The following SLC4A1AP variants were observed in gnomAD, a reference collection of about 807,000 sequenced individuals.
SLC4A1AP encodes kanadaptin.
In SLC4A1AP, 64 loss-of-function variants were observed where a neutral mutation model predicts 89.7. That is an observed-to-expected ratio of 0.71 (90% CI 0.58 to 0.88). The LOEUF (loss-of-function observed/expected upper bound fraction) is 0.88. SLC4A1AP is among the 40% of genes least tolerant of loss of function. The pLI, the probability that SLC4A1AP is intolerant of heterozygous loss-of-function variation, is 0.00. For missense variants in SLC4A1AP, 931 were observed against 965.0 expected (o/e 0.96, Z 0.47); for synonymous variants, 366 against 353.3 (o/e 1.04, Z -0.40).
chr2:27,679,732 G>A (rs766762537), intron 8 of SLC4A1AP, among the ~76,000 whole-genome samples: 7 of 152,172 alleles, frequency 4.6e-5, no homozygotes, highest in Admixed American at 4.6e-4. Context: ...AGAACGGTGT[G>A]TATAACAGGC....
At chr2:27,693,517 A>G in intron 12 of SLC4A1AP, 168 bp from the exon 13 acceptor site, 1 of 580,616 alleles carries the variant, frequency 1.7e-6, no homozygotes, top group Non-Finnish European at 3.1e-6. Context: ...TCTGAAAAAG[A>G]CTTTATTTCT....
chr2:27,690,025 C>G lies in SLC4A1AP; in HGVS notation c.2271+1258C>G, dbSNP rs188870005. ...TGTGATGCTTTATGGAAAAAAGGTT[C>G]AGAGAGAGAATATTCCCCCAAGTAG... is the stretch of plus-strand genomic sequence containing the variant. On this transcript the variant is annotated intron_variant, in intron 12 of 13. Coordinates refer to ENST00000613058, the Ensembl canonical transcript of SLC4A1AP. Among the ~76,000 whole-genome samples the G allele has an allele frequency of 5.3e-5, 8 of 152,210 alleles. No individual in the cohort carries two copies. In the South Asian group the frequency reaches 6.2e-4, roughly 12 times the overall value.
chr2:27,683,768 C>T (rs1035590676), intron 9 of SLC4A1AP, among the ~76,000 whole-genome samples: 1 of 152,048 alleles, frequency 6.6e-6, no homozygotes, highest in African/African-American at 2.4e-5. Flanking sequence ...GAGACAGTCT[C>T]ACACTGTCAC....
chr2:27,671,614 C>T (rs896139282), intron 5 of SLC4A1AP, among the ~76,000 whole-genome samples: 4 of 152,198 alleles, frequency 2.6e-5, no homozygotes, highest in African/African-American at 9.7e-5. Flanking sequence ...ACTTAACTTT[C>T]CTATCATCCT....
intron 3 of SLC4A1AP, 22 bp downstream of exon 3, chr2:27,667,412 C>T (rs1392969461): frequency 6.2e-7 from 1 of 1,604,000 alleles, no homozygotes; most frequent in Non-Finnish European, 8.5e-7. Context: ...GATTCTGACC[C>T]TACCACTAAA....
intron 12 of SLC4A1AP, among the ~76,000 whole-genome samples, chr2:27,689,419 C>CG (rs1251206241): frequency 1.3e-5 from 2 of 152,096 alleles, no homozygotes; most frequent in Non-Finnish European, 2.9e-5. Context: ...CTATGATATA[C>CG]TACAGCAAAA....
rs1241413680 is a variant in SLC4A1AP, at chr2:27,688,699, G to A, written c.2204-1G>A. ...TTGCCAGTTTTTTTTTCTTAAATTAGCATCAAAGAATGAATATGAGAAAAG... is the reference window on the plus strand; with the variant it reads ...TTGCCAGTTTTTTTTTCTTAAATTAACATCAAAGAATGAATATGAGAAAAG... On this transcript the variant is annotated splice_acceptor_variant, in intron 11 of 13. Coordinates refer to ENST00000613058, the Ensembl canonical transcript of SLC4A1AP. LOFTEE classifies it high-confidence loss of function. 3 of 1,587,494 alleles carry A rather than the reference G, an allele frequency of 1.9e-6. No individual in the cohort carries two copies. The highest frequency in any genetic ancestry group is 2.6e-6 in the Non-Finnish European group (3 of 1,170,610).
At position 27,668,573 on chromosome 2, in the gene SLC4A1AP, C is replaced by T. The variant is rs984516673; in HGVS notation, c.1145-270C>T. On this transcript the variant is annotated intron_variant, in intron 3 of 13. Transcript: ENST00000613058. Reference sequence around the variant, plus strand: ...TAAGCTATGCTCCGGCCTTAGCCCCCGTAGTAGCTGGGACAAAAGTCACGT... The same window carrying T: ...TAAGCTATGCTCCGGCCTTAGCCCCTGTAGTAGCTGGGACAAAAGTCACGT... 259 of 609,198 alleles carry T rather than the reference C, an allele frequency of 4.3e-4. 2 individuals carry two copies. The highest frequency in any genetic ancestry group is 3.7e-3 in the South Asian group (246 of 65,732). 37.7% of individuals were successfully genotyped at this position (609,198 alleles called of 1,614,324 possible).
intron 12 of SLC4A1AP, chr2:27,692,375 T>C (rs1675801971): frequency 1.3e-5 from 2 of 152,286 alleles, no homozygotes; most frequent in South Asian, 4.1e-4. Context: ...TTGATATGAT[T>C]TCAATTTTTT....
intron 10 of SLC4A1AP, among the ~76,000 whole-genome samples, chr2:27,686,924 G>A (rs1340360901): frequency 6.6e-6 from 1 of 152,120 alleles, no homozygotes; most frequent in African/African-American, 2.4e-5. Flanking sequence ...TTGGAGTACT[G>A]TGGTGTGATC....
At chr2:27,683,260 C>G (rs111358771) in intron 9 of SLC4A1AP, among the ~76,000 whole-genome samples, 7 of 152,254 alleles carry the variant, frequency 4.6e-5, no homozygotes, top group African/African-American at 1.7e-4. Context: ...TATGTTTTTG[C>G]TTTATCTATA....
At chr2:27,686,039 T>C (rs7583362) in intron 10 of SLC4A1AP, among the ~76,000 whole-genome samples, 6,169 of 152,246 alleles carry the variant, frequency 0.041, 313 homozygotes, top group African/African-American at 0.12. Context: ...GTTATTTTCC[T>C]GCTGGTTGGC....
chr2:27,680,123 T>C (rs1450649893), intron 8 of SLC4A1AP, among the ~76,000 whole-genome samples: 1 of 152,168 alleles, frequency 6.6e-6, no homozygotes, highest in Admixed American at 6.5e-5. Flanking sequence ...TAGCAGCCGA[T>C]GTCTGCAGTA....
chr2:27,675,075 T>G (rs1252246406), intron 5 of SLC4A1AP, among the ~76,000 whole-genome samples: 1 of 152,218 alleles, frequency 6.6e-6, no homozygotes, highest in Non-Finnish European at 1.5e-5. Context: ...TAAGAAATTG[T>G]GGGAAAATAT....
At chr2:27,688,056 C>T (rs1361180062) in intron 11 of SLC4A1AP, 36 bp downstream of exon 11, 8 of 1,555,394 alleles carry the variant, frequency 5.1e-6, no homozygotes, top group Admixed American at 1.7e-5. Context: ...CTGCTCTGCA[C>T]ACAGGTGGCT....
chr2:27,665,210 A>G, exon 2 of SLC4A1AP: 1 of 1,613,812 alleles, frequency 6.2e-7, no homozygotes, highest in Non-Finnish European at 8.5e-7. Context: ...GAGAAGACTC[A>G]GATGAAGAAG....
intron 5 of SLC4A1AP, among the ~76,000 whole-genome samples, chr2:27,670,884 TA>T (rs939464322): frequency 5.5e-5 from 8 of 145,708 alleles, no homozygotes; most frequent in African/African-American, 2.0e-4. Flanking sequence ...TAATTAAATT[TA>T]AAAAAAAACA....
At chr2:27,683,362 T>C (rs190825696) in intron 9 of SLC4A1AP, among the ~76,000 whole-genome samples, 2 of 152,304 alleles carry the variant, frequency 1.3e-5, no homozygotes, top group East Asian at 3.9e-4. Context: ...CATAACAAAA[T>C]ACTAGGGATT....
chr2:27,684,615 T>A (rs1177097310), intron 9 of SLC4A1AP, among the ~76,000 whole-genome samples: 1 of 152,196 alleles, frequency 6.6e-6, no homozygotes, highest in Non-Finnish European at 1.5e-5. Context: ...CATGCCTTGT[T>A]TCCTTGAAAT....
Sources: allele counts gnomAD v4.1 joint callset (sites outside exome capture counted in the v4.1 genomes callset), GRCh38; gene constraint gnomAD v4.1.1; transcripts MANE v1.5; gene names NCBI Gene and HGNC (gene_info 2026-07-23, HGNC 2026-07-21).